Variants in TPRG1 observed in about 807,000 individuals in gnomAD.
TPRG1 encodes the protein tumor protein p63-regulated gene 1 protein.
In TPRG1, 29 loss-of-function variants were observed where a neutral mutation model predicts 29.3. The observed-to-expected ratio is 0.99, with a 90% CI of 0.74 to 1.35. TPRG1 has a LOEUF of 1.35. Ranked by LOEUF, TPRG1 falls within the 40% of genes most tolerant of loss-of-function variation. The probability of loss-of-function intolerance (pLI) is 0.00; values close to 1 mark genes in which losing one functional copy is unlikely to be tolerated. For synonymous variants in TPRG1, 130 were observed against 116.8 expected (o/e 1.11, Z -0.73); for missense variants, 327 against 335.0 (o/e 0.98, Z 0.19).
intron 4 of TPRG1, chr3:189,267,687 G>T (rs1010821430): frequency 6.6e-6 from 1 of 152,232 alleles, no homozygotes; most frequent in Admixed American, 6.5e-5. Context: ...AGACAGTAGT[G>T]GAAGAGAGGA....
At chr3:189,218,557 T>C (rs1387177856) in intron 3 of TPRG1, among the ~76,000 whole-genome samples, 1 of 152,230 alleles carries the variant, frequency 6.6e-6, no homozygotes, top group Admixed American at 6.5e-5. Flanking sequence ...GGAACAAGGA[T>C]TCCCATTTCA....
At chr3:189,013,071 T>A (rs1712688106) in intron 3 of TPRG1, among the ~76,000 whole-genome samples, 1 of 152,040 alleles carries the variant, frequency 6.6e-6, no homozygotes, top group Admixed American at 6.6e-5. Context: ...AGCTTTGGGG[T>A]TTGTTTGCTC....
chr3:189,103,719 G>A (rs2152195753), intron 1 of TPRG1, among the ~76,000 whole-genome samples: 1 of 152,188 alleles, frequency 6.6e-6, no homozygotes, highest in Admixed American at 6.5e-5. Flanking sequence ...TAAGAAAGAG[G>A]TGAACACCCA....
chr3:189,094,840 C>G (rs1000740507), intron 4 of TPRG1, among the ~76,000 whole-genome samples: 1 of 152,182 alleles, frequency 6.6e-6, no homozygotes, highest in Non-Finnish European at 1.5e-5. Context: ...GGTGACAATC[C>G]TCTTGCTGTC....
chr3:189,141,720 T>C (rs529353005), intron 3 of TPRG1, among the ~76,000 whole-genome samples: 2 of 152,246 alleles, frequency 1.3e-5, no homozygotes, highest in South Asian at 2.1e-4. Context: ...GAGCAAAACA[T>C]AGTCCTTGAA....
chr3:189,265,378 C>T (rs1175090043), intron 4 of TPRG1, among the ~76,000 whole-genome samples: 9 of 152,108 alleles, frequency 5.9e-5, no homozygotes, highest in African/African-American at 9.7e-5. Context: ...TTAAAAAACC[C>T]GATTTTCTTT....
intron 4 of TPRG1, among the ~76,000 whole-genome samples, chr3:189,277,818 G>A (rs549713015): frequency 1.4e-4 from 22 of 152,164 alleles, no homozygotes; most frequent in Non-Finnish European, 2.8e-4. Flanking sequence ...TAGCTGGCAG[G>A]ATGGAAACTG....
chr3:189,071,609 T>C (rs574069343), intron 4 of TPRG1, among the ~76,000 whole-genome samples: 1 of 152,204 alleles, frequency 6.6e-6, no homozygotes, highest in African/African-American at 2.4e-5. Flanking sequence ...CAGTGGTATA[T>C]GTGTGTGCAT....
chr3:189,245,160 G>A (rs981956806), intron 4 of TPRG1, among the ~76,000 whole-genome samples: 1 of 152,158 alleles, frequency 6.6e-6, no homozygotes, highest in Non-Finnish European at 1.5e-5. Flanking sequence ...GACCTCAGGT[G>A]ATCCGCCTGC....
chr3:189,234,421 T>A lies in TPRG1; in HGVS notation c.303-4312T>A, dbSNP rs551520060. 4.6e-5 allele frequency among the ~76,000 whole-genome samples: 7 copies of A among 152,360 alleles called. No homozygotes were observed. The South Asian group carries it at 6.2e-4, about 14-fold the overall frequency. ...TCCACCACTTACAAATAATCACTGT[T>A]AACATTTTGATATGTGGATTATTTT... On this transcript the variant is annotated intron_variant, in intron 3 of 5. Coordinates refer to ENST00000345063, the MANE Select transcript of TPRG1 (RefSeq NM_198485.4).
In TPRG1 at chr3:189,081,954, A is replaced by T. The variant is rs560964463; in HGVS notation, c.-462-45103A>T. On this transcript the variant is annotated intron_variant, in intron 4 of 10. Transcript: ENST00000433971. The stretch of plus-strand genomic sequence containing the variant: ...CTCAGCTCTGTTTTGCCATCAAAAG[A>T]GATTCTAGACGAGGCTAAACTCACT... Among the ~76,000 whole-genome samples, 5 of 152,316 alleles carry T rather than the reference A, an allele frequency of 3.3e-5. No homozygotes were observed. In the East Asian group the frequency reaches 7.7e-4, roughly 24 times the overall value.
chr3:189,256,106 G>A (rs1711822334), intron 4 of TPRG1, among the ~76,000 whole-genome samples: 1 of 152,090 alleles, frequency 6.6e-6, no homozygotes, highest in Non-Finnish European at 1.5e-5. Flanking sequence ...TGTGATGTTA[G>A]GGTGTTGATT....
intron 3 of TPRG1, among the ~76,000 whole-genome samples, chr3:189,223,129 G>C (rs1737186995): frequency 6.6e-6 from 1 of 152,174 alleles, no homozygotes; most frequent in South Asian, 2.1e-4. Context: ...CCAGTGATTA[G>C]TACAGTGTGT....
intron 4 of TPRG1, among the ~76,000 whole-genome samples, chr3:189,055,913 A>G (rs1715637599): frequency 6.6e-6 from 1 of 151,562 alleles, no homozygotes; most frequent in African/African-American, 2.4e-5. Context: ...ACCTTTCTAT[A>G]TGCTGTTTCT....
intron 4 of TPRG1, among the ~76,000 whole-genome samples, chr3:189,047,715 C>G (rs1000750697): frequency 6.6e-6 from 1 of 152,182 alleles, no homozygotes; most frequent in African/African-American, 2.4e-5. Flanking sequence ...CCTTTGTTGT[C>G]ATTTCAACAA....
At chr3:189,086,992 C>T (rs1411316156) in intron 4 of TPRG1, among the ~76,000 whole-genome samples, 2 of 152,128 alleles carry the variant, frequency 1.3e-5, no homozygotes, top group Non-Finnish European at 2.9e-5. Flanking sequence ...TTTGTAGCAG[C>T]ATGATTTATA....
At chr3:189,020,086 A>C (rs1391509477) in intron 3 of TPRG1, among the ~76,000 whole-genome samples, 1 of 151,930 alleles carries the variant, frequency 6.6e-6, no homozygotes, top group Admixed American at 6.6e-5. Context: ...ATACCCCTTT[A>C]TCATTTTTTA....
intron 1 of TPRG1, among the ~76,000 whole-genome samples, chr3:189,000,154 G>A (rs1038429402): frequency 1.3e-5 from 2 of 152,056 alleles, no homozygotes; most frequent in African/African-American, 4.8e-5. Flanking sequence ...TTAGCTGTTG[G>A]CCAGTTTTCT....
chr3:189,033,744 T>G (rs186195918), intron 4 of TPRG1, among the ~76,000 whole-genome samples: 4 of 152,156 alleles, frequency 2.6e-5, no homozygotes, highest in Non-Finnish European at 5.9e-5. Context: ...CATGCCCTAA[T>G]TTTTTGTATT....
Sources: allele counts gnomAD v4.1 joint callset (sites outside exome capture counted in the v4.1 genomes callset), GRCh38; gene constraint gnomAD v4.1.1; transcripts MANE v1.5; gene names NCBI Gene and HGNC (gene_info 2026-07-23, HGNC 2026-07-21).